Variants in KALRN observed in about 807,000 individuals in gnomAD.
KALRN encodes kalirin.
Under a neutral mutation model 353.7 loss-of-function variants are expected in KALRN, and 70 were observed. The ratio of observed to expected loss-of-function variants is 0.20; its 90% CI spans 0.16 to 0.24. The LOEUF (loss-of-function observed/expected upper bound fraction) is 0.24, where lower values mean the gene tolerates loss of function less well. KALRN is among the 10% of genes least tolerant of loss of function. The probability of loss-of-function intolerance (pLI) is 1.00; values close to 1 mark genes in which losing one functional copy is unlikely to be tolerated. For missense variants in KALRN, 2,791 were observed against 3,756.7 expected (o/e 0.74, Z 6.72); for synonymous variants, 1,391 against 1,434.8 (o/e 0.97, Z 0.69).
In KALRN at chr3:124,720,127, A is replaced by G. The variant is rs1306854140; in HGVS notation, c.*657A>G. The G allele has an allele frequency of 6.6e-6, 1 of 152,646 alleles. No homozygotes were observed. Among genetic ancestry groups the G allele is most frequent in the Non-Finnish European group, 1.5e-5 (1 of 68,038 alleles). 9.5% of individuals were successfully genotyped at this position (152,646 alleles called of 1,614,324 possible). The stretch of plus-strand genomic sequence containing the variant: ...TTAGAGCATTTTATAGATCTTGTAT[A>G]GAAATCTTTTACCAGAACCTGTGCA... On this transcript the variant is annotated 3_prime_UTR_variant, in exon 60 of 60. Transcript: ENST00000682506.
intron 6 of KALRN, among the ~76,000 whole-genome samples, chr3:124,307,343 T>C (rs1356066668): frequency 6.6e-6 from 1 of 152,060 alleles, no homozygotes; most frequent in Non-Finnish European, 1.5e-5. Context: ...AAGACTAATA[T>C]GAAAAAAGCT....
Position 124,661,878 on chromosome 3 carries a change from C to G in KALRN, c.6295C>G (p.Pro2099Ala), listed in dbSNP as rs1224035274. 5 of 1,614,012 alleles carry G rather than the reference C, an allele frequency of 3.1e-6. No homozygotes were observed. Among genetic ancestry groups the G allele is most frequent in the Non-Finnish European group, 4.2e-6 (5 of 1,179,996 alleles). Residue 2099 changes from proline to alanine, a missense_variant, in exon 45 of 60, where the codon CCC becomes GCC. Pro to Ala is a conservative substitution (Grantham distance 27). Transcript: ENST00000682506. ...EKAVELMCLVPKRCNDMMNLG... is the reference protein window; with the variant it reads ...EKAVELMCLVAKRCNDMMNLG... ...AGCAGTGGAGTTAATGTGCCTTGTT[C>G]CCAAACGCTGCAATGACATGATGAA...
chr3:124,560,393 T>C (rs979382078), intron 33 of KALRN, among the ~76,000 whole-genome samples: 3 of 152,196 alleles, frequency 2.0e-5, no homozygotes, highest in African/African-American at 7.2e-5. Context: ...ATAGAGAGTC[T>C]CTCAGTTAGA....
chr3:124,368,350 C>T (rs1442885931), intron 10 of KALRN, among the ~76,000 whole-genome samples: 12 of 146,866 alleles, frequency 8.2e-5, no homozygotes, highest in African/African-American at 2.3e-4. Context: ...TCAGACGGGG[C>T]GGCCGGGCAG....
rs1345047394 is a variant in KALRN, at chr3:124,496,012, T to TATATATAC, written c.4833-298_4833-297insTATATACA. On this transcript the variant is annotated intron_variant, in intron 32 of 59. Coordinates refer to ENST00000682506, the MANE Select transcript of KALRN (RefSeq NM_001388419.1). The stretch of plus-strand genomic sequence containing the variant: ...ATATATATATATATATATATATATA[T>TATATATAC]ACACACACATATATACATACATACA... Among the ~76,000 whole-genome samples the TATATATAC allele has an allele frequency of 4.7e-3, 205 of 43,532 alleles. 2 individuals are homozygous for TATATATAC. The highest frequency in any genetic ancestry group is 5.2e-3 in the Non-Finnish European group (136 of 26,070). The allele number at this position is 43,532 out of a possible 152,430, so 28.6% of individuals were successfully genotyped here.
intron 1 of KALRN, among the ~76,000 whole-genome samples, chr3:124,223,813 C>T (rs1433770863): frequency 1.3e-5 from 2 of 152,188 alleles, no homozygotes; most frequent in Non-Finnish European, 2.9e-5. Flanking sequence ...CTGGAAGCCA[C>T]AGTGAGGCTG....
intron 1 of KALRN, among the ~76,000 whole-genome samples, chr3:124,200,350 A>G (rs1241767557): frequency 6.6e-6 from 1 of 152,236 alleles, no homozygotes; most frequent in Admixed American, 6.5e-5. Flanking sequence ...TATTTCTCAT[A>G]GTTCTGAAGG....
At position 124,719,328 on chromosome 3, in the gene KALRN, C is replaced by G. The variant is rs1007277124; in HGVS notation, c.8819C>G (p.Pro2940Arg). ...ATCLQHPWLQ[P>R]HNGSYSKIPL... ...TGCTTGCAGCATCCATGGCTGCAGC[C>G]CCATAATGGCAGCTACTCTAAGATC... The change falls in exon 60 of 60, where the codon CCC (proline) becomes CGC (arginine). Residue 2940 changes from proline to arginine, a missense_variant. By Grantham distance (103) the Pro-to-Arg change is moderately radical. Coordinates refer to ENST00000682506, the MANE Select transcript of KALRN (RefSeq NM_001388419.1). The surrounding 1 kb of genome is among the most constrained non-coding windows in gnomAD (Gnocchi z 5.3). 24 of 1,614,082 alleles carry G rather than the reference C, an allele frequency of 1.5e-5. No homozygotes were observed. In the Admixed American group the frequency reaches 2.8e-4, roughly 19 times the overall value.
chr3:124,353,610 C>G (rs1314074472), intron 10 of KALRN, among the ~76,000 whole-genome samples: 2 of 152,106 alleles, frequency 1.3e-5, no homozygotes, highest in Non-Finnish European at 2.9e-5. Context: ...GTGACCTTCA[C>G]AGTAAGTTCC....
chr3:124,075,086 A>G (rs1328023236), intron 1 of KALRN, among the ~76,000 whole-genome samples: 1 of 152,152 alleles, frequency 6.6e-6, no homozygotes, highest in Non-Finnish European at 1.5e-5. Context: ...CAGTAGTCCT[A>G]TTCTTAAGCT....
At chr3:124,491,452 A>G (rs1355957908) in intron 31 of KALRN, 28 bp downstream of exon 31, 1 of 1,512,406 alleles carries the variant, frequency 6.6e-7, no homozygotes, top group South Asian at 1.3e-5. Flanking sequence ...CTAGGCACAA[A>G]CTAGGGTTGG....
At chr3:124,610,897 G>A (rs780900538) in intron 34 of KALRN, among the ~76,000 whole-genome samples, 6 of 152,046 alleles carry the variant, frequency 3.9e-5, no homozygotes, top group African/African-American at 7.2e-5. Context: ...GTGTGGTGGC[G>A]CACACTGTGG....
chr3:124,188,310 T>C (rs994258653), intron 1 of KALRN, among the ~76,000 whole-genome samples: 17 of 152,212 alleles, frequency 1.1e-4, no homozygotes, highest in South Asian at 2.1e-4. Context: ...AGTAGAGATA[T>C]TGGATTAGAG....
chr3:124,666,112 A>G (rs1329705698), intron 45 of KALRN, among the ~76,000 whole-genome samples: 1 of 152,044 alleles, frequency 6.6e-6, no homozygotes, highest in Non-Finnish European at 1.5e-5. Context: ...CCTACTTTCT[A>G]TTGTCCTTTC....
chr3:124,589,769 C>T (rs1255526803), intron 34 of KALRN, among the ~76,000 whole-genome samples: 20 of 152,130 alleles, frequency 1.3e-4, no homozygotes. Context: ...TTCCAGGAAC[C>T]CCTGCGGGTA....
chr3:124,118,652 C>A (rs1318562585), intron 1 of KALRN, among the ~76,000 whole-genome samples: 1 of 152,176 alleles, frequency 6.6e-6, no homozygotes, highest in Non-Finnish European at 1.5e-5. Context: ...AAATGCCAGG[C>A]AGTGAGGCCT....
intron 51 of KALRN, among the ~76,000 whole-genome samples, chr3:124,693,176 CA>C (rs1476493140): frequency 6.6e-6 from 1 of 152,148 alleles, no homozygotes; most frequent in Non-Finnish European, 1.5e-5. Context: ...CAAGTTGCCC[CA>C]TGCAGGCCTG....
intron 1 of KALRN, among the ~76,000 whole-genome samples, chr3:124,133,665 C>T (rs752691514): frequency 6.6e-6 from 1 of 152,174 alleles, no homozygotes; most frequent in Non-Finnish European, 1.5e-5. Flanking sequence ...TTCACATGTT[C>T]CTGGAGAAGG....
intron 41 of KALRN, among the ~76,000 whole-genome samples, chr3:124,658,122 A>G (rs573195726): frequency 1.3e-5 from 2 of 152,204 alleles, no homozygotes; most frequent in South Asian, 4.1e-4. Flanking sequence ...CCCACCCTGC[A>G]CTCCAGCCTG....
Sources: gnomAD v4.1 joint callset for allele counts (sites outside exome capture counted in the v4.1 genomes callset) on GRCh38, gnomAD v4.1.1 for gene constraint, Gnocchi (gnomAD v3.1) non-coding constraint, MANE v1.5 for transcripts, NCBI Gene and HGNC (gene_info 2026-07-23, HGNC 2026-07-21) for gene names.